Variants in CNBD1 observed in about 807,000 individuals in gnomAD.
CNBD1 encodes the protein cyclic nucleotide binding domain containing 1.
In CNBD1, 71 loss-of-function variants were observed where a neutral mutation model predicts 54.4. The observed-to-expected ratio is 1.30, with a 90% confidence interval of 1.08 to 1.59. CNBD1 has a LOEUF of 1.59. CNBD1 is among the 40% of genes most tolerant of loss of function. The pLI, the probability that CNBD1 is intolerant of heterozygous loss-of-function variation, is 0.00. For missense variants in CNBD1, 659 were observed against 518.0 expected (o/e 1.27, Z -2.64); for synonymous variants, 182 against 170.7 (o/e 1.07, Z -0.51).
Position 87,351,730 on chromosome 8 carries a change from A to T in CNBD1, c.1088A>T (p.Asn363Ile). Residue 363 changes from asparagine to isoleucine, a missense_variant, in exon 9 of 11, where the codon AAC becomes ATC. Coordinates refer to ENST00000518476, the MANE Select transcript of CNBD1 (RefSeq NM_173538.3). ...GNIISFVGYI[N>I]SGCCNIYRSI... Reference sequence around the variant, plus strand: ...ATAATTTCTTTTGTGGGTTATATTAACTCTGGATGCTGTAACATTTATAGA... The same window carrying T: ...ATAATTTCTTTTGTGGGTTATATTATCTCTGGATGCTGTAACATTTATAGA... The T allele has an allele frequency of 6.5e-7, 1 of 1,537,158 alleles. No individual in the cohort carries two copies.
intron 10 of CNBD1, among the ~76,000 whole-genome samples, chr8:87,358,785 A>G (rs1810471336): frequency 6.6e-6 from 1 of 152,144 alleles, no homozygotes; most frequent in Non-Finnish European, 1.5e-5. Context: ...AAAACTGGAG[A>G]GGGCAGACAG....
intron 4 of CNBD1, among the ~76,000 whole-genome samples, chr8:86,975,010 T>TGTGC (rs1808310058): frequency 6.6e-6 from 1 of 152,024 alleles, no homozygotes; most frequent in Non-Finnish European, 1.5e-5. Context: ...ATTGGGAAAC[T>TGTGC]CCTTTAGGCA....
intron 4 of CNBD1, among the ~76,000 whole-genome samples, chr8:86,976,182 T>C (rs1808336848): frequency 8.2e-6 from 1 of 122,432 alleles, no homozygotes; most frequent in Admixed American, 1.0e-4. Context: ...GGGTTGTGCA[T>C]TGACCTTTTT....
intron 10 of CNBD1, among the ~76,000 whole-genome samples, chr8:87,381,837 G>T (rs967848766): frequency 2.6e-5 from 4 of 151,766 alleles, no homozygotes; most frequent in Non-Finnish European, 5.9e-5. Context: ...TGGTTACGAG[G>T]GGTTGAGGCA....
chr8:87,134,646 A>G (rs1812189790), intron 4 of CNBD1, among the ~76,000 whole-genome samples: 1 of 116,604 alleles, frequency 8.6e-6, no homozygotes, highest in East Asian at 2.6e-4. Flanking sequence ...TGTGTCACCC[A>G]GGCTGGAGTG....
At chr8:87,287,531 A>C (rs1159212449) in intron 8 of CNBD1, among the ~76,000 whole-genome samples, 1 of 152,172 alleles carries the variant, frequency 6.6e-6, no homozygotes, top group Non-Finnish European at 1.5e-5. Context: ...AGTGAGGGAC[A>C]TTTTTAATTT....
intron 1 of CNBD1, among the ~76,000 whole-genome samples, chr8:86,875,035 TG>T (rs1808496516): frequency 6.8e-6 from 1 of 146,460 alleles, no homozygotes. Context: ...TTAAAAATTG[TG>T]AGTTTACACT....
At chr8:87,361,981 C>A (rs1019376942) in intron 10 of CNBD1, among the ~76,000 whole-genome samples, 11 of 152,098 alleles carry the variant, frequency 7.2e-5, no homozygotes, top group African/African-American at 2.4e-4. Context: ...AGATGAAACA[C>A]TTTTAATTCC....
At chr8:87,277,018 A>G (rs893887136) in intron 6 of CNBD1, among the ~76,000 whole-genome samples, 6 of 151,484 alleles carry the variant, frequency 4.0e-5, no homozygotes, top group Non-Finnish European at 7.4e-5. Context: ...TGAATTAACT[A>G]TTCAATAGTT....
chr8:87,372,998 T>G (rs1159235851), intron 10 of CNBD1, among the ~76,000 whole-genome samples: 1 of 151,826 alleles, frequency 6.6e-6, no homozygotes, highest in East Asian at 1.9e-4. Context: ...TTAAGTAGTT[T>G]TAATTACATA....
At chr8:86,959,073 G>T (rs1586162872) in intron 4 of CNBD1, among the ~76,000 whole-genome samples, 1 of 152,052 alleles carries the variant, frequency 6.6e-6, no homozygotes, top group Non-Finnish European at 1.5e-5. Flanking sequence ...GCATTTGTTT[G>T]TCTCTAAAGG....
intron 4 of CNBD1, among the ~76,000 whole-genome samples, chr8:86,986,074 T>G (rs952392998): frequency 1.3e-5 from 2 of 151,880 alleles, no homozygotes; most frequent in East Asian, 1.9e-4. Context: ...GAGATTACAG[T>G]GCACACCATC....
intron 4 of CNBD1, among the ~76,000 whole-genome samples, chr8:87,012,102 G>A (rs923434426): frequency 1.3e-5 from 2 of 152,168 alleles, no homozygotes; most frequent in African/African-American, 4.8e-5. Flanking sequence ...TTATAAGTTA[G>A]AAAGAACTAG....
At chr8:87,398,457 G>T (rs1294463651) in intron 2 of CNBD1, among the ~76,000 whole-genome samples, 6 of 151,874 alleles carry the variant, frequency 4.0e-5, no homozygotes, top group Non-Finnish European at 8.8e-5. Context: ...CATTTGCTGT[G>T]TGTGTGCCTG....
At chr8:86,900,275 A>G (rs73268037) in intron 2 of CNBD1, among the ~76,000 whole-genome samples, 41 of 152,306 alleles carry the variant, frequency 2.7e-4, no homozygotes, top group African/African-American at 9.1e-4. Context: ...TGAGTGCCAG[A>G]TATTTCCTTT....
At chr8:86,991,960 G>T (rs1386552912) in intron 4 of CNBD1, among the ~76,000 whole-genome samples, 1 of 152,106 alleles carries the variant, frequency 6.6e-6, no homozygotes, top group Non-Finnish European at 1.5e-5. Flanking sequence ...TGTGTTCTGT[G>T]TGCAGATGAG....
At chr8:87,099,127 T>G (rs796070805) in intron 4 of CNBD1, among the ~76,000 whole-genome samples, 1 of 135,454 alleles carries the variant, frequency 7.4e-6, no homozygotes, top group African/African-American at 2.8e-5. Context: ...ATATAAAAAA[T>G]ACATGATTAT....
intron 8 of CNBD1, among the ~76,000 whole-genome samples, chr8:87,293,275 T>C (rs1398412993): frequency 6.6e-6 from 1 of 152,118 alleles, no homozygotes; most frequent in Non-Finnish European, 1.5e-5. Flanking sequence ...CCGGACACAG[T>C]GGCTCACACC....
intron 5 of CNBD1, among the ~76,000 whole-genome samples, chr8:87,224,726 G>A (rs1814437134): frequency 6.6e-6 from 1 of 151,308 alleles, no homozygotes; most frequent in African/African-American, 2.4e-5. Flanking sequence ...GGCGATGCGG[G>A]CTCTTTTTTG....
Sources: gnomAD v4.1 joint callset for allele counts (sites outside exome capture counted in the v4.1 genomes callset) on GRCh38, gnomAD v4.1.1 for gene constraint, MANE v1.5 for transcripts, NCBI Gene and HGNC (gene_info 2026-07-23, HGNC 2026-07-21) for gene names.